RERE: variants seen among roughly 807,000 people sequenced by gnomAD.
RERE encodes arginine-glutamic acid dipeptide repeats protein.
RERE carries 40 observed loss-of-function variants against 146.1 expected under a neutral mutation model. The observed-to-expected ratio is 0.27, with a 90% CI of 0.21 to 0.36. The LOEUF (loss-of-function observed/expected upper bound fraction) is 0.36, where lower values mean the gene tolerates loss of function less well. Ranked by LOEUF, RERE falls within the 10% of genes least tolerant of loss-of-function variation. RERE has a pLI of 1.00. For missense variants in RERE, 1,933 were observed against 2,138.7 expected (o/e 0.90, Z 1.90); for synonymous variants, 1,003 against 866.0 (o/e 1.16, Z -2.78).
Position 8,490,206 on chromosome 1 carries a change from CAAA to C in RERE, c.1104+4854_1104+4856del, listed in dbSNP as rs555670946. Among the ~76,000 whole-genome samples, 895 of 148,514 alleles carry C rather than the reference CAAA, an allele frequency of 6.0e-3. 5 individuals are homozygous for C. Among genetic ancestry groups the C allele is most frequent in the African/African-American group, 0.022 (845 of 38,550 alleles). On this transcript the variant is annotated intron_variant, in intron 10 of 22. Transcript: ENST00000400908. ...TGAAATCCTGTCTCTACGAAAAATA[CAAA>C]AAAATTAGCTGGACGTGGTGGCACA...
At chr1:8,463,950 T>C (rs1051181982) in intron 11 of RERE, among the ~76,000 whole-genome samples, 3 of 152,226 alleles carry the variant, frequency 2.0e-5, no homozygotes, top group African/African-American at 7.2e-5. Flanking sequence ...TTCATCTCCT[T>C]ATGTGTTTCT....
At chr1:8,643,495 G>A (rs572407580) in intron 2 of RERE, among the ~76,000 whole-genome samples, 169 of 152,244 alleles carry the variant, frequency 1.1e-3, no homozygotes, top group African/African-American at 3.9e-3. Context: ...AAGGACTTAC[G>A]TAAAATACAG....
chr1:8,692,319 T>C (rs879926840), intron 1 of RERE, among the ~76,000 whole-genome samples: 2 of 150,930 alleles, frequency 1.3e-5, no homozygotes, highest in Non-Finnish European at 2.9e-5. Flanking sequence ...TATCTGCATA[T>C]AACCTACTCA....
At chr1:8,651,307 G>A (rs959091962) in intron 2 of RERE, among the ~76,000 whole-genome samples, 2 of 152,104 alleles carry the variant, frequency 1.3e-5, no homozygotes, top group Non-Finnish European at 2.9e-5. Flanking sequence ...CTACTCAAGA[G>A]GCTGAGGCAG....
At chr1:8,727,521 G>A (rs943333755) in intron 1 of RERE, among the ~76,000 whole-genome samples, 6 of 151,404 alleles carry the variant, frequency 4.0e-5, no homozygotes, top group African/African-American at 9.7e-5. Flanking sequence ...TTTGGACAGC[G>A]TCTCGCTCTG....
At chr1:8,799,740 T>G (rs1324921203) in intron 1 of RERE, among the ~76,000 whole-genome samples, 1 of 144,476 alleles carries the variant, frequency 6.9e-6, no homozygotes, top group East Asian at 1.9e-4. Flanking sequence ...CATTATGAGT[T>G]TTTTTGTGAT....
intron 3 of RERE, among the ~76,000 whole-genome samples, chr1:8,621,347 T>C (rs1272388865): frequency 6.6e-6 from 1 of 152,268 alleles, no homozygotes; most frequent in Middle Eastern, 3.4e-3. Context: ...TTTCATGAAA[T>C]GTGACCCAAG....
intron 1 of RERE, among the ~76,000 whole-genome samples, chr1:8,771,320 G>A (rs185397877): frequency 5.9e-5 from 9 of 151,692 alleles, no homozygotes; most frequent in Non-Finnish European, 1.0e-4. Context: ...TCAGGAGTTC[G>A]AGTCCAGCCT....
rs1238994196 is a variant in RERE at position 8,387,155 on chromosome 1, T to C, written c.1285-21181A>G. On this transcript the variant is annotated intron_variant, in intron 12 of 22. Coordinates refer to ENST00000400908, the MANE Select transcript of RERE (RefSeq NM_001042681.2). Reference sequence around the variant, plus strand: ...GAGAGACCAACAGAACAAAACAGCTTAGAAACAGATTCACACTCTTATGGA... The same window carrying C: ...GAGAGACCAACAGAACAAAACAGCTCAGAAACAGATTCACACTCTTATGGA... Among the ~76,000 whole-genome samples, 3 of 152,130 alleles carry C rather than the reference T, an allele frequency of 2.0e-5. No homozygotes were observed. The East Asian group carries it at 5.8e-4, about 29-fold the overall frequency.
chr1:8,416,298 GCT>G (rs1237593420), intron 12 of RERE, among the ~76,000 whole-genome samples: 1 of 152,102 alleles, frequency 6.6e-6, no homozygotes, highest in African/African-American at 2.4e-5. Context: ...AGAAGTCCTG[GCT>G]CACGGTCAGG....
rs1269313413 is a variant in RERE at position 8,615,017 on chromosome 1, T to C, written c.397-331A>G. ...AGTTAACAGCAACATGCTATGCTTATAATAAAAACAGAAATGCAATGGTGT... is the reference window on the plus strand; with the variant it reads ...AGTTAACAGCAACATGCTATGCTTACAATAAAAACAGAAATGCAATGGTGT... On this transcript the variant is annotated intron_variant, in intron 3 of 22. Transcript: ENST00000400908. Among the ~76,000 whole-genome samples the C allele has an allele frequency of 2.6e-5, 4 of 152,204 alleles. No individual in the cohort carries two copies. The East Asian group carries it at 7.7e-4, about 29-fold the overall frequency.
rs544480717 is a variant in RERE at position 8,379,048 on chromosome 1, C to T, written c.1285-13074G>A. On this transcript the variant is annotated intron_variant, in intron 12 of 22. Transcript: ENST00000400908. ...GGGCAAATGCCACACAGTTCCCTCA[C>T]GACGGCTGCATTCTGACCCAGGAGA... is the stretch of plus-strand genomic sequence containing the variant. 7.2e-5 allele frequency among the ~76,000 whole-genome samples: 11 copies of T among 152,342 alleles called. No homozygotes were observed. In the East Asian group the frequency reaches 9.6e-4, roughly 13 times the overall value.
chr1:8,365,067 G>C (rs1330533191), intron 13 of RERE, among the ~76,000 whole-genome samples: 1 of 152,218 alleles, frequency 6.6e-6, no homozygotes, highest in Non-Finnish European at 1.5e-5. Flanking sequence ...CTGTGTGTGA[G>C]GCGCCATACC....
At chr1:8,380,947 G>C (rs760612766) in intron 12 of RERE, 2 of 456,714 alleles carry the variant, frequency 4.4e-6, no homozygotes, top group South Asian at 3.1e-5. Flanking sequence ...GGCTTCTTGA[G>C]TCCTTCCCTG....
intron 7 of RERE, among the ~76,000 whole-genome samples, chr1:8,523,741 G>T (rs1645535883): frequency 6.6e-6 from 1 of 152,142 alleles, no homozygotes; most frequent in Non-Finnish European, 1.5e-5. Flanking sequence ...ATCACAGTCA[G>T]CAACCACAAG....
At chr1:8,607,123 G>A (rs1199662485) in intron 4 of RERE, among the ~76,000 whole-genome samples, 1 of 152,102 alleles carries the variant, frequency 6.6e-6, no homozygotes, top group Non-Finnish European at 1.5e-5. Context: ...CCCTTTCAGA[G>A]ACTGAGGCAG....
intron 1 of RERE, among the ~76,000 whole-genome samples, chr1:8,696,539 G>T (rs193241660): frequency 2.0e-5 from 3 of 150,370 alleles, no homozygotes; most frequent in African/African-American, 4.9e-5. Context: ...GCTTGCACCC[G>T]CAAGGTGGAG....
At chr1:8,687,973 C>CAT (rs1445480822) in intron 1 of RERE, among the ~76,000 whole-genome samples, 2 of 152,062 alleles carry the variant, frequency 1.3e-5, no homozygotes, top group Non-Finnish European at 2.9e-5. Context: ...CAAGAACTGC[C>CAT]ATATAAAAAT....
intron 12 of RERE, 95 bp downstream of exon 12, chr1:8,422,632 A>G: frequency 1.1e-6 from 1 of 904,652 alleles, no homozygotes; most frequent in Admixed American, 1.8e-5. Context: ...AGCACAGCGC[A>G]GGGTTAAAGG....
Sources: allele counts gnomAD v4.1 joint callset (sites outside exome capture counted in the v4.1 genomes callset), GRCh38; gene constraint gnomAD v4.1.1; transcripts MANE v1.5; gene names NCBI Gene and HGNC (gene_info 2026-07-23, HGNC 2026-07-21).